Variants in PPP1CB observed in about 807,000 individuals in gnomAD.
The protein encoded by PPP1CB is protein phosphatase 1 catalytic subunit beta.
In PPP1CB, 2 loss-of-function variants were observed where a neutral mutation model predicts 43.7. The ratio of observed to expected loss-of-function variants is 0.05; its 90% CI spans 0.02 to 0.14. The LOEUF (loss-of-function observed/expected upper bound fraction) is 0.14, where lower values mean the gene tolerates loss of function less well. PPP1CB is among the 10% of genes least tolerant of loss of function. The probability of loss-of-function intolerance (pLI) is 1.00; values close to 1 mark genes in which losing one functional copy is unlikely to be tolerated. For missense variants in PPP1CB, 84 were observed against 398.0 expected (o/e 0.21, Z 6.71); for synonymous variants, 136 against 135.6 (o/e 1.00, Z -0.02).
At chr2:28,786,790 A>G (rs914455271) in intron 5 of PPP1CB, among the ~76,000 whole-genome samples, 36 of 151,762 alleles carry the variant, frequency 2.4e-4, no homozygotes, top group African/African-American at 8.0e-4. Context: ...AAAAAAAAAA[A>G]AAAAAGAAAT....
At chr2:28,768,561 A>T (rs1244060969) in intron 1 of PPP1CB, among the ~76,000 whole-genome samples, 1 of 152,220 alleles carries the variant, frequency 6.6e-6, no homozygotes, top group African/African-American at 2.4e-5. Flanking sequence ...GAGGGGCCTT[A>T]TTACACCCTG....
intron 1 of PPP1CB, among the ~76,000 whole-genome samples, chr2:28,769,741 C>A (rs6706858): frequency 6.6e-6 from 1 of 151,774 alleles, no homozygotes; most frequent in South Asian, 2.1e-4. Context: ...AGGCTGGAGG[C>A]GGGTGGTAAT....
intron 1 of PPP1CB, among the ~76,000 whole-genome samples, chr2:28,766,544 A>C (rs1666780441): frequency 6.6e-6 from 1 of 152,214 alleles, no homozygotes; most frequent in African/African-American, 2.4e-5. Context: ...AGTTTTTCTC[A>C]GCTGCTTTGA....
At chr2:28,791,741 A>G (rs752143748) in intron 6 of PPP1CB, among the ~76,000 whole-genome samples, 2 of 152,194 alleles carry the variant, frequency 1.3e-5, no homozygotes, top group Non-Finnish European at 1.5e-5. Context: ...ACCCCTGATA[A>G]TCAGTTTTTT....
intron 7 of PPP1CB, among the ~76,000 whole-genome samples, chr2:28,798,869 A>G (rs1415443771): frequency 6.6e-6 from 1 of 152,114 alleles, no homozygotes; most frequent in South Asian, 2.1e-4. Context: ...AAGTTACTGT[A>G]TCAGAATTAT....
At chr2:28,791,696 A>C (rs1249234997) in intron 6 of PPP1CB, among the ~76,000 whole-genome samples, 3 of 152,174 alleles carry the variant, frequency 2.0e-5, no homozygotes, top group African/African-American at 7.2e-5. Context: ...CTATTAAATA[A>C]CAAGGCAGAA....
intron 1 of PPP1CB, among the ~76,000 whole-genome samples, chr2:28,766,967 G>C (rs1344367441): frequency 3.3e-5 from 5 of 152,038 alleles, no homozygotes; most frequent in African/African-American, 4.8e-5. Flanking sequence ...TGTGGTCCCA[G>C]CTACTTGGGA....
At chr2:28,787,917 C>G (rs1195854401) in intron 5 of PPP1CB, among the ~76,000 whole-genome samples, 1 of 152,020 alleles carries the variant, frequency 6.6e-6, no homozygotes, top group Non-Finnish European at 1.5e-5. Context: ...TATTTTTAAC[C>G]CTGACCTCTT....
At chr2:28,775,140 C>G (rs1667007460) in intron 1 of PPP1CB, among the ~76,000 whole-genome samples, 2 of 151,790 alleles carry the variant, frequency 1.3e-5, no homozygotes, top group African/African-American at 4.8e-5. Context: ...GGGTCTCACT[C>G]TCACCCAGGC....
intron 1 of PPP1CB, among the ~76,000 whole-genome samples, chr2:28,757,011 C>T (rs115736668): frequency 0.011 from 1,642 of 152,214 alleles, 16 homozygotes; most frequent in Non-Finnish European, 0.018. Context: ...CATATACCCC[C>T]CAAAAAACCC....
intron 6 of PPP1CB, 147 bp from the exon 7 acceptor site, chr2:28,793,716 A>T: frequency 3.9e-6 from 3 of 760,516 alleles, no homozygotes; most frequent in Non-Finnish European, 6.1e-6. Context: ...GCAAAGTTTA[A>T]GAATAAAAAT....
At chr2:28,758,489 C>G (rs1666539964) in intron 1 of PPP1CB, among the ~76,000 whole-genome samples, 1 of 152,152 alleles carries the variant, frequency 6.6e-6, no homozygotes, top group African/African-American at 2.4e-5. Flanking sequence ...CCAGTGGAGT[C>G]TTCTAGGATT....
chr2:28,764,212 G>A (rs991772244), intron 1 of PPP1CB, among the ~76,000 whole-genome samples: 1 of 152,000 alleles, frequency 6.6e-6, no homozygotes, highest in African/African-American at 2.4e-5. Flanking sequence ...TGTAATCCCA[G>A]CACTTTGGGA....
At chr2:28,797,832 A>C (rs1667528749) in intron 7 of PPP1CB, among the ~76,000 whole-genome samples, 2 of 152,162 alleles carry the variant, frequency 1.3e-5, no homozygotes, top group Admixed American at 6.5e-5. Context: ...TGCTCCTACA[A>C]ATCATTCTTG....
chr2:28,761,050 G>A (rs749156153), intron 1 of PPP1CB, among the ~76,000 whole-genome samples: 2 of 152,140 alleles, frequency 1.3e-5, no homozygotes, highest in Non-Finnish European at 2.9e-5. Flanking sequence ...ACAGGCGCCT[G>A]CCACCATGCC....
intron 1 of PPP1CB, among the ~76,000 whole-genome samples, chr2:28,756,374 C>G (rs1157712628): frequency 6.6e-6 from 1 of 152,138 alleles, no homozygotes; most frequent in Non-Finnish European, 1.5e-5. Context: ...ATTCATTTTT[C>G]ATTTAACTTT....
At position 28,802,001 on chromosome 2, in the gene PPP1CB, G is replaced by T. The variant is rs1276460643; in HGVS notation, c.*2698G>T. On this transcript the variant is annotated 3_prime_UTR_variant, in exon 8 of 8. Coordinates refer to ENST00000395366, the MANE Select transcript of PPP1CB (RefSeq NM_002709.3). The stretch of plus-strand genomic sequence containing the variant: ...GCCTAGCCAGCTACCCAGTATCCAT[G>T]CTGCCATATCCCTTCATTGTAAAAA... 6.6e-6 allele frequency: 1 copy of T among 152,150 alleles called. No homozygotes were observed. The highest frequency in any genetic ancestry group is 1.5e-5 in the Non-Finnish European group (1 of 68,022). The allele number at this position is 152,150 out of a possible 1,614,324, so 9.4% of individuals were successfully genotyped here.
At position 28,799,404 on chromosome 2, in the gene PPP1CB, T is replaced by TAAAG; in HGVS notation, c.*101_*102insAAAG. 1.1e-6 allele frequency: 1 copy of TAAAG among 897,410 alleles called. No individual in the cohort carries two copies. Among genetic ancestry groups the TAAAG allele is most frequent in the Non-Finnish European group, 1.7e-6 (1 of 578,408 alleles). 55.6% of individuals were successfully genotyped at this position (897,410 alleles called of 1,614,324 possible). On this transcript the variant is annotated 3_prime_UTR_variant, in exon 8 of 8. Coordinates refer to ENST00000395366, the MANE Select transcript of PPP1CB (RefSeq NM_002709.3). ...CCATCCAGCCATTTGACACCCTTTA[T>TAAAG]GATGTCACACCTTTAACTTAAGGAG... is the stretch of plus-strand genomic sequence containing the variant.
chr2:28,754,580 A>G (rs542615341), intron 1 of PPP1CB, among the ~76,000 whole-genome samples: 98 of 152,278 alleles, frequency 6.4e-4, no homozygotes, highest in African/African-American at 2.3e-3. Context: ...AAGCATATTT[A>G]GTTTGACAGT....
Sources: gnomAD v4.1 joint callset for allele counts (sites outside exome capture counted in the v4.1 genomes callset) on GRCh38, gnomAD v4.1.1 for gene constraint, MANE v1.5 for transcripts, NCBI Gene and HGNC (gene_info 2026-07-23, HGNC 2026-07-21) for gene names.